The following CADPS variants were observed in gnomAD, a reference collection of about 807,000 sequenced individuals.
CADPS encodes calcium dependent secretion activator, also known as calcium-dependent secretion activator 1.
A neutral mutation model predicts 167.3 loss-of-function variants in CADPS; 57 were observed. That is an observed-to-expected ratio of 0.34 (90% confidence interval 0.28 to 0.42). The LOEUF (loss-of-function observed/expected upper bound fraction) is 0.42, where lower values mean the gene tolerates loss of function less well. Among genes scored for constraint, CADPS ranks in the 20% least tolerant of loss-of-function variants. The pLI, the probability that CADPS is intolerant of heterozygous loss-of-function variation, is 1.00. For missense variants in CADPS, 1,414 were observed against 1,738.1 expected (o/e 0.81, Z 3.32); for synonymous variants, 676 against 635.3 (o/e 1.06, Z -0.96).
At chr3:62,858,937 A>T (rs1354928846) in intron 1 of CADPS, among the ~76,000 whole-genome samples, 1 of 152,172 alleles carries the variant, frequency 6.6e-6, no homozygotes, top group East Asian at 1.9e-4. Flanking sequence ...AAAACTTAGG[A>T]GTGAATTTTT....
intron 6 of CADPS, among the ~76,000 whole-genome samples, chr3:62,615,347 G>C (rs1487581435): frequency 6.6e-6 from 1 of 152,154 alleles, no homozygotes; most frequent in Non-Finnish European, 1.5e-5. Context: ...GTTACTACAA[G>C]AGTGACTCTT....
intron 1 of CADPS, among the ~76,000 whole-genome samples, chr3:62,790,643 G>C (rs1243503874): frequency 5.3e-5 from 8 of 152,244 alleles, no homozygotes; most frequent in African/African-American, 1.9e-4. Flanking sequence ...TCTCCTGTTT[G>C]AGCCTTCCTT....
chr3:62,482,726 T>C (rs750751286), intron 21 of CADPS, among the ~76,000 whole-genome samples: 7 of 152,220 alleles, frequency 4.6e-5, no homozygotes, highest in Non-Finnish European at 1.0e-4. Flanking sequence ...GGAGAAAGCA[T>C]GAAAGGGACT....
chr3:62,599,762 GTATATATAATATATATAT>G (rs1453741048), intron 6 of CADPS, among the ~76,000 whole-genome samples: 974 of 2,994 alleles, frequency 0.33, 189 homozygotes, highest in African/African-American at 0.43. Flanking sequence ...TATATATATT[GTATATATAATATATATAT>G]TATATATAAT....
intron 6 of CADPS, among the ~76,000 whole-genome samples, chr3:62,614,606 T>C (rs536280511): frequency 2.2e-4 from 33 of 152,304 alleles, no homozygotes; most frequent in Admixed American, 1.4e-3. Context: ...ACATTTACGT[T>C]TGTGATCCCT....
chr3:62,492,315 C>G lies in CADPS; in HGVS notation c.2859G>C (p.Leu953=), dbSNP rs1320956223. 3.0e-5 allele frequency: 48 copies of G among 1,613,932 alleles called. No homozygotes were observed. The highest frequency in any genetic ancestry group is 3.8e-5 in the Non-Finnish European group (45 of 1,179,954). Residue 953 remains leucine (L), a synonymous_variant, in exon 20 of 30, where the codon CTG becomes CTC. Transcript: ENST00000383710. Reference sequence around the variant, plus strand: ...AGTCAGTACGGAGAAAATCATTCAGCAGCTGAAATAGTGGAAAACTGTCCC... The same window carrying G: ...AGTCAGTACGGAGAAAATCATTCAGGAGCTGAAATAGTGGAAAACTGTCCC... The part of the protein sequence containing the change: ...DTWDSFPLFQ[L]LNDFLRTDYN...
intron 26 of CADPS, among the ~76,000 whole-genome samples, chr3:62,456,624 AG>A (rs2058709570): frequency 6.6e-6 from 1 of 152,096 alleles, no homozygotes; most frequent in African/African-American, 2.4e-5. Context: ...TTTAATGATG[AG>A]TTTTTGGAGC....
chr3:62,767,721 A>G (rs1362232159), intron 1 of CADPS, among the ~76,000 whole-genome samples: 2 of 152,132 alleles, frequency 1.3e-5, no homozygotes, highest in Non-Finnish European at 2.9e-5. Flanking sequence ...TATCAGACTC[A>G]TATTTGTTAC....
At chr3:62,598,248 A>G (rs2059201879) in intron 6 of CADPS, among the ~76,000 whole-genome samples, 1 of 152,138 alleles carries the variant, frequency 6.6e-6, no homozygotes, top group Non-Finnish European at 1.5e-5. Context: ...GCTGGCTCTG[A>G]TCCAATGTCA....
chr3:62,447,559 C>T (rs1329602017), intron 26 of CADPS, among the ~76,000 whole-genome samples: 1 of 152,084 alleles, frequency 6.6e-6, no homozygotes, highest in African/African-American at 2.4e-5. Flanking sequence ...AGAAAGGAAA[C>T]TCAGGGAAAA....
intron 6 of CADPS, among the ~76,000 whole-genome samples, chr3:62,634,310 C>T (rs1291874042): frequency 6.6e-6 from 1 of 152,076 alleles, no homozygotes; most frequent in Non-Finnish European, 1.5e-5. Context: ...TACTGTTGTA[C>T]TATTTATCTT....
At chr3:62,539,852 T>C (rs1398431599) in intron 11 of CADPS, among the ~76,000 whole-genome samples, 2 of 152,160 alleles carry the variant, frequency 1.3e-5, no homozygotes. Context: ...TGGCTGGGCA[T>C]AGGCAGGTCA....
Position 62,721,099 on chromosome 3 carries a change from G to GA in CADPS, c.888+32341dup, listed in dbSNP as rs1164608122. On this transcript the variant is annotated intron_variant, in intron 3 of 29. Transcript: ENST00000383710. ...CCCAAAGTGCTGAAATTACAGGTGT[G>GA]AGCCACCGTGCCCGGCAGGTTTTTT... is the stretch of plus-strand genomic sequence containing the variant. Among the ~76,000 whole-genome samples the GA allele has an allele frequency of 1.5e-4, 22 of 146,074 alleles. 1 individual carries two copies. Among genetic ancestry groups the GA allele is most frequent in the African/African-American group, 5.6e-4 (22 of 39,236 alleles).
intron 20 of CADPS, 103 bp from the exon 21 acceptor site, chr3:62,491,583 ACAG>A: frequency 1.0e-6 from 1 of 977,738 alleles, no homozygotes; most frequent in East Asian, 2.5e-5. Context: ...ACACACACAC[ACAG>A]ATGATTGATT....
At chr3:62,484,486 G>T (rs1330718990) in intron 21 of CADPS, among the ~76,000 whole-genome samples, 1 of 152,094 alleles carries the variant, frequency 6.6e-6, no homozygotes, top group Non-Finnish European at 1.5e-5. Flanking sequence ...AATCATAATT[G>T]GATATCTCTG....
intron 1 of CADPS, among the ~76,000 whole-genome samples, chr3:62,817,098 C>T (rs1007876239): frequency 6.6e-6 from 1 of 152,086 alleles, no homozygotes; most frequent in African/African-American, 2.4e-5. Flanking sequence ...ATTTGAACAC[C>T]TTACATCACT....
chr3:62,663,398 T>C (rs995124059), intron 3 of CADPS, among the ~76,000 whole-genome samples: 23 of 152,186 alleles, frequency 1.5e-4, no homozygotes, highest in Non-Finnish European at 4.4e-5. Flanking sequence ...CAGCATTTCC[T>C]TTCAAGCTGT....
rs1240518193 is a variant in CADPS at position 62,601,823 on chromosome 3, C to T, written c.1326-9075G>A. 1.3e-5 allele frequency among the ~76,000 whole-genome samples: 2 copies of T among 152,056 alleles called. No individual in the cohort carries two copies. The highest frequency in any genetic ancestry group is 1.5e-5 in the Non-Finnish European group (1 of 68,012). On this transcript the variant is annotated intron_variant, in intron 6 of 29. Coordinates refer to ENST00000383710, the MANE Select transcript of CADPS (RefSeq NM_003716.4). This position sits in a 1 kb window ranked among gnomAD's most constrained non-coding sequence, Gnocchi z 4.3. ...TTTCTCCAAACCTGTTCCACAGTAC[C>T]ACCACTTTGAAAGTGAACACTTTGA...
chr3:62,542,490 T>C (rs1187650470), intron 11 of CADPS, among the ~76,000 whole-genome samples: 1 of 152,116 alleles, frequency 6.6e-6, no homozygotes, highest in African/African-American at 2.4e-5. Flanking sequence ...AGAAGAGCTT[T>C]CCTTGGAATA....
Sources: allele counts gnomAD v4.1 joint callset (sites outside exome capture counted in the v4.1 genomes callset), GRCh38; gene constraint gnomAD v4.1.1; non-coding constraint Gnocchi (gnomAD v3.1); transcripts MANE v1.5; gene names NCBI Gene and HGNC (gene_info 2026-07-23, HGNC 2026-07-21).